Variants in CHRM3 observed in about 807,000 individuals in gnomAD.
CHRM3 encodes the protein cholinergic receptor muscarinic 3.
CHRM3 carries 11 observed loss-of-function variants against 41.8 expected under a neutral mutation model. The observed-to-expected ratio is 0.26, with a 90% CI of 0.17 to 0.44. The LOEUF is 0.44. CHRM3 is among the 20% of genes least tolerant of loss of function. CHRM3 has a pLI of 1.00. For synonymous variants in CHRM3, 297 were observed against 301.4 expected (o/e 0.99, Z 0.15); for missense variants, 571 against 745.4 (o/e 0.77, Z 2.72).
intron 4 of CHRM3, among the ~76,000 whole-genome samples, chr1:239,664,429 T>G (rs1361133917): frequency 6.6e-6 from 1 of 152,206 alleles, no homozygotes; most frequent in Non-Finnish European, 1.5e-5. Context: ...CTAAAATACT[T>G]TCCAAAACTT....
chr1:239,606,475 T>C (rs145543620), intron 3 of CHRM3, among the ~76,000 whole-genome samples: 1,908 of 152,218 alleles, frequency 0.013, 50 homozygotes, highest in African/African-American at 0.043. Context: ...AAGGTTTCAC[T>C]ATGTTGGCCA....
At chr1:239,806,617 G>A (rs536011439) in intron 5 of CHRM3, among the ~76,000 whole-genome samples, 2 of 152,318 alleles carry the variant, frequency 1.3e-5, no homozygotes, top group South Asian at 4.1e-4. Context: ...GTGGGGATGA[G>A]CCATACAGGC....
chr1:239,634,160 T>A (rs1670182485), intron 4 of CHRM3, among the ~76,000 whole-genome samples: 1 of 152,292 alleles, frequency 6.6e-6, no homozygotes, highest in South Asian at 2.1e-4. Flanking sequence ...CCTGACAGCC[T>A]GGTTCCAGGA....
chr1:239,587,674 T>C (rs1420378722), intron 3 of CHRM3, among the ~76,000 whole-genome samples: 1 of 152,198 alleles, frequency 6.6e-6, no homozygotes, highest in Non-Finnish European at 1.5e-5. Flanking sequence ...TGTCCCATAC[T>C]TCTAACTTTC....
intron 5 of CHRM3, among the ~76,000 whole-genome samples, chr1:239,808,889 A>C (rs1029253542): frequency 6.6e-6 from 1 of 152,184 alleles, no homozygotes; most frequent in Admixed American, 6.5e-5. Context: ...GCTTTTTCCT[A>C]CTTGTAAAGT....
At chr1:239,426,719 T>C (rs1313901751) in intron 1 of CHRM3, among the ~76,000 whole-genome samples, 1 of 152,182 alleles carries the variant, frequency 6.6e-6, no homozygotes, top group Non-Finnish European at 1.5e-5. Context: ...CAATAGTTTC[T>C]TTTCTCAAAT....
intron 6 of CHRM3, among the ~76,000 whole-genome samples, chr1:239,864,776 T>C (rs375118436): frequency 1.3e-5 from 2 of 152,174 alleles, no homozygotes; most frequent in East Asian, 3.9e-4. Flanking sequence ...TTTGATTCTC[T>C]ACCTATAGAA....
At chr1:239,837,777 G>T (rs565177789) in intron 6 of CHRM3, among the ~76,000 whole-genome samples, 1 of 152,172 alleles carries the variant, frequency 6.6e-6, no homozygotes, top group South Asian at 2.1e-4. Flanking sequence ...GTTAGAGTTT[G>T]ATATTCTCCT....
chr1:239,741,915 A>G (rs564933506), intron 5 of CHRM3, among the ~76,000 whole-genome samples: 15 of 152,270 alleles, frequency 9.9e-5, no homozygotes, highest in African/African-American at 3.6e-4. Flanking sequence ...TCCATCAAAC[A>G]TTGTCTGCAA....
chr1:239,540,381 C>T (rs971714823), intron 2 of CHRM3, among the ~76,000 whole-genome samples: 3 of 152,130 alleles, frequency 2.0e-5, no homozygotes, highest in African/African-American at 7.2e-5. Context: ...GAGAAAACTT[C>T]ACTTCAGTAA....
intron 5 of CHRM3, among the ~76,000 whole-genome samples, chr1:239,685,858 C>T (rs1003111842): frequency 6.6e-6 from 1 of 151,586 alleles, no homozygotes; most frequent in African/African-American, 2.4e-5. Context: ...GAACAAAAAA[C>T]AAACAAAAAA....
At chr1:239,573,434 A>G (rs1014187391) in intron 3 of CHRM3, among the ~76,000 whole-genome samples, 3 of 151,978 alleles carry the variant, frequency 2.0e-5, no homozygotes, top group Non-Finnish European at 4.4e-5. Context: ...GGTTCCCTGG[A>G]ATGTCATGGG....
intron 3 of CHRM3, among the ~76,000 whole-genome samples, chr1:239,558,144 C>T (rs1660540319): frequency 6.6e-6 from 1 of 152,192 alleles, no homozygotes; most frequent in African/African-American, 2.4e-5. Flanking sequence ...TCACAAGCAT[C>T]TCTTGTTTCT....
chr1:239,458,865 A>C (rs1485914448), intron 1 of CHRM3, among the ~76,000 whole-genome samples: 1 of 141,366 alleles, frequency 7.1e-6, no homozygotes, highest in Non-Finnish European at 1.5e-5. Context: ...GCTCATCTGA[A>C]TGCAGAAAGA....
intron 4 of CHRM3, among the ~76,000 whole-genome samples, chr1:239,632,793 A>T (rs929787940): frequency 6.6e-6 from 1 of 152,234 alleles, no homozygotes; most frequent in Non-Finnish European, 1.5e-5. Context: ...AACACTGCTA[A>T]CATCTTACCC....
chr1:239,728,515 A>C (rs537562829), intron 5 of CHRM3, among the ~76,000 whole-genome samples: 1 of 152,122 alleles, frequency 6.6e-6, no homozygotes, highest in African/African-American at 2.4e-5. Context: ...TATATATTGT[A>C]AGTTCACAAT....
intron 2 of CHRM3, among the ~76,000 whole-genome samples, chr1:239,529,891 A>ATTG (rs373737019): frequency 2.6e-5 from 4 of 151,430 alleles, no homozygotes; most frequent in South Asian, 4.2e-4. Flanking sequence ...TCCACAATTT[A>ATTG]TTATTATTAT....
chr1:239,393,856 T>C (rs940553217), intron 1 of CHRM3, among the ~76,000 whole-genome samples: 4 of 152,204 alleles, frequency 2.6e-5, no homozygotes, highest in Non-Finnish European at 4.4e-5. Flanking sequence ...TGAGAGTATA[T>C]AAGTAAATAT....
chr1:239,424,149 G>A (rs929659220), intron 1 of CHRM3, among the ~76,000 whole-genome samples: 3 of 151,530 alleles, frequency 2.0e-5, no homozygotes, highest in Non-Finnish European at 2.9e-5. Flanking sequence ...TTTTAGTTGC[G>A]CAATGTGCTT....
Sources: allele counts gnomAD v4.1 joint callset (sites outside exome capture counted in the v4.1 genomes callset), GRCh38; gene constraint gnomAD v4.1.1; transcripts MANE v1.5; gene names NCBI Gene and HGNC (gene_info 2026-07-23, HGNC 2026-07-21).